Variants in CMKLR2 observed in about 807,000 individuals in gnomAD.
CMKLR2 encodes the protein chemerin chemokine-like receptor 2, also known as chemerin-like receptor 2.
Under a neutral mutation model 23.0 loss-of-function variants are expected in CMKLR2, and 18 were observed. That is an observed-to-expected ratio of 0.78 (90% CI 0.54 to 1.16). The LOEUF is 1.16. CMKLR2 is among the 50% of genes most tolerant of loss of function. The probability of loss-of-function intolerance (pLI) is 0.00; values close to 1 mark genes in which losing one functional copy is unlikely to be tolerated. For missense variants in CMKLR2, 401 were observed against 412.7 expected (o/e 0.97, Z 0.25); for synonymous variants, 158 against 158.9 (o/e 0.99, Z 0.05).
chr2:206,186,994 C>T (rs893665517), intron 1 of CMKLR2, among the ~76,000 whole-genome samples: 2 of 151,898 alleles, frequency 1.3e-5, no homozygotes, highest in African/African-American at 4.8e-5. Context: ...TCAAGACCAC[C>T]CTGGGCAACA....
chr2:206,207,728 C>CATTTT (rs1689382123), intron 1 of CMKLR2, among the ~76,000 whole-genome samples: 1 of 43,582 alleles, frequency 2.3e-5, no homozygotes, highest in African/African-American at 1.2e-4. Context: ...ACCTCAGGGC[C>CATTTT]TTTTTTTTTT....
At chr2:206,209,735 G>A (rs1364100596) in intron 1 of CMKLR2, among the ~76,000 whole-genome samples, 37 of 147,816 alleles carry the variant, frequency 2.5e-4, no homozygotes, top group African/African-American at 5.8e-4. Context: ...TGCAAGCTCC[G>A]CCTCCCGGGT....
At chr2:206,199,593 A>ATT (rs371033625) in intron 1 of CMKLR2, among the ~76,000 whole-genome samples, 2 of 144,416 alleles carry the variant, frequency 1.4e-5, no homozygotes, top group African/African-American at 2.5e-5. Flanking sequence ...GTATTACGGC[A>ATT]TTTTTTTTTT....
Position 206,177,123 on chromosome 2 carries a change from AG to A in CMKLR2, c.124del (p.Leu42TrpfsTer38). ...VQLGVVHWVS[L>X]VLYCLAFVLG... ...AACAAAAGCCAAACAATATAACACC[AG>A]GGAGACCCAGTGAACAACTCCCAGC... On this transcript the variant is annotated frameshift_variant, in exon 2 of 2. Transcript: ENST00000621141. LOFTEE classifies it high-confidence loss of function. 6.2e-7 allele frequency: 1 copy of A among 1,614,104 alleles called. No individual in the cohort carries two copies. The highest frequency in any genetic ancestry group is 8.5e-7 in the Non-Finnish European group (1 of 1,179,930).
chr2:206,196,902 G>A (rs1025086549), intron 1 of CMKLR2, among the ~76,000 whole-genome samples: 2 of 151,980 alleles, frequency 1.3e-5, no homozygotes, highest in African/African-American at 2.4e-5. Context: ...CTCAGGAAAA[G>A]CATATTCTTT....
chr2:206,181,951 CAAAAAAAAAAAA>C (rs34520665), intron 1 of CMKLR2, among the ~76,000 whole-genome samples: 4 of 68,590 alleles, frequency 5.8e-5, no homozygotes, highest in East Asian at 4.2e-4. Context: ...AACTCCACCT[CAAAAAAAAAAAA>C]AAAAAAAAAA....
At position 206,176,990 on chromosome 2, in the gene CMKLR2, A is replaced by C; in HGVS notation, c.258T>G (p.Phe86Leu). ...FLNLAIADFI[F>L]LLFLPLYISY... ...AGATGTACAGGGGCAGAAAGAGAAG[A>C]AAAATGAAATCCGCAATGGCTAGAT... Residue 86 changes from phenylalanine to leucine, a missense_variant, in exon 2 of 2, where the codon TTT (phenylalanine) becomes TTG (leucine). By Grantham distance (22) the Phe-to-Leu change is conservative (BLOSUM62 0). Transcript: ENST00000621141. The C allele has an allele frequency of 6.2e-7, 1 of 1,614,264 alleles. No individual in the cohort carries two copies. Among genetic ancestry groups the C allele is most frequent in the Non-Finnish European group, 8.5e-7 (1 of 1,180,044 alleles).
chr2:206,214,846 C>G (rs1001550803), upstream of CMKLR2, among the ~76,000 whole-genome samples: 8 of 151,912 alleles, frequency 5.3e-5, no homozygotes, highest in South Asian at 6.2e-4. Context: ...AGGATGGTCT[C>G]GATCTCCTGA....
chr2:206,177,076 T>C lies in CMKLR2; in HGVS notation c.172A>G (p.Ile58Val). 1 of 1,614,212 alleles carries C rather than the reference T, an allele frequency of 6.2e-7. No individual in the cohort carries two copies. The highest frequency in any genetic ancestry group is 1.3e-5 in the African/African-American group (1 of 75,056). Reference protein sequence around the residue: ...AFVLGIPGNAIVIWFTGFKWK... With the variant: ...AFVLGIPGNAVVIWFTGFKWK... ...TTGAACCCCGTGAACCAAATGACGA[T>C]GGCATTTCCTGGAATTCCCAGAACA... The change falls in exon 2 of 2, where the codon ATC becomes GTC. Residue 58 changes from isoleucine to valine, a missense_variant. By Grantham distance (29) the Ile-to-Val change is conservative. Transcript: ENST00000621141.
At chr2:206,214,815 CG>C (rs1689700389), upstream of CMKLR2, among the ~76,000 whole-genome samples, 1 of 151,604 alleles carries the variant, frequency 6.6e-6, no homozygotes, top group Non-Finnish European at 1.5e-5. Flanking sequence ...TTAGTAGAGA[CG>C]GGGTTTCACC....
At chr2:206,214,877 G>C (rs964044840), upstream of CMKLR2, among the ~76,000 whole-genome samples, 2 of 151,812 alleles carry the variant, frequency 1.3e-5, no homozygotes, top group South Asian at 4.2e-4. Flanking sequence ...CGCCCGCCTC[G>C]GCCTCCCAAA....
intron 1 of CMKLR2, among the ~76,000 whole-genome samples, chr2:206,194,232 G>C (rs561417634): frequency 6.6e-6 from 1 of 152,174 alleles, no homozygotes; most frequent in Non-Finnish European, 1.5e-5. Context: ...AGCAAAAGGA[G>C]GGGGAGGAGG....
chr2:206,197,849 A>T (rs945557281), intron 1 of CMKLR2, among the ~76,000 whole-genome samples: 5 of 152,140 alleles, frequency 3.3e-5, no homozygotes, highest in African/African-American at 7.2e-5. Context: ...TTCTTTTTGT[A>T]GTTTTACCCT....
At chr2:206,187,612 G>A (rs1411871331) in intron 1 of CMKLR2, among the ~76,000 whole-genome samples, 1 of 152,142 alleles carries the variant, frequency 6.6e-6, no homozygotes, top group African/African-American at 2.4e-5. Flanking sequence ...AATCAATCAT[G>A]TTGTGTTGTA....
chr2:206,182,830 G>C (rs1688458274), intron 1 of CMKLR2, among the ~76,000 whole-genome samples: 1 of 152,050 alleles, frequency 6.6e-6, no homozygotes, highest in South Asian at 2.1e-4. Context: ...TTCTTGGCCA[G>C]GCTGGTCTTG....
upstream of CMKLR2, among the ~76,000 whole-genome samples, chr2:206,216,009 T>C (rs1689741650): frequency 6.6e-6 from 1 of 152,084 alleles, no homozygotes; most frequent in Non-Finnish European, 1.5e-5. Flanking sequence ...TAGAATTGAG[T>C]GTATGAGGGG....
At chr2:206,207,779 G>T (rs1310083625) in intron 1 of CMKLR2, among the ~76,000 whole-genome samples, 2 of 95,760 alleles carry the variant, frequency 2.1e-5, no homozygotes, top group African/African-American at 4.3e-5. Flanking sequence ...TTTTGCCGTT[G>T]TTGCCTGGGC....
chr2:206,191,622 G>A (rs989582090), intron 1 of CMKLR2, among the ~76,000 whole-genome samples: 4 of 151,604 alleles, frequency 2.6e-5, no homozygotes, highest in Non-Finnish European at 5.9e-5. Context: ...TAAGAGTGGT[G>A]AGAAAATATT....
rs71034421 is a variant in CMKLR2, at chr2:206,179,055, C to CTTTT, written c.-28-1784_-28-1781dup. 4.1e-5 allele frequency among the ~76,000 whole-genome samples: 2 copies of CTTTT among 49,318 alleles called. 1 individual carries two copies. The highest frequency in any genetic ancestry group is 7.4e-5 in the Non-Finnish European group (2 of 27,014). 32.4% of individuals were successfully genotyped at this position (49,318 alleles called of 152,430 possible). On this transcript the variant is annotated intron_variant, in intron 1 of 1. Transcript: ENST00000621141. ...TTTATTTTGTGCCCGCTCCCTGTCC[C>CTTTT]TTTTTTTTTTTTTTTTTTTTTTTTT...
Sources: gnomAD v4.1 joint callset for allele counts (sites outside exome capture counted in the v4.1 genomes callset) on GRCh38, gnomAD v4.1.1 for gene constraint, MANE v1.5 for transcripts, NCBI Gene and HGNC (gene_info 2026-07-23, HGNC 2026-07-21) for gene names.